The following FILIP1L variants were observed in gnomAD, a reference collection of about 807,000 sequenced individuals.
FILIP1L encodes filamin A interacting protein 1 like.
Under a neutral mutation model 96.6 loss-of-function variants are expected in FILIP1L, and 55 were observed. The ratio of observed to expected loss-of-function variants is 0.57; its 90% CI spans 0.46 to 0.71. The LOEUF is 0.71. Among genes scored for constraint, FILIP1L ranks in the 30% least tolerant of loss-of-function variants. The pLI is 0.00. For synonymous variants in FILIP1L, 467 were observed against 473.9 expected (o/e 0.99, Z 0.19); for missense variants, 1,304 against 1,321.2 (o/e 0.99, Z 0.20).
chr3:99,836,254 T>G (rs1432053314), intron 5 of FILIP1L, among the ~76,000 whole-genome samples: 2 of 152,000 alleles, frequency 1.3e-5, no homozygotes, highest in Middle Eastern at 3.4e-3. Context: ...GAGAAAGAAA[T>G]AATATGACAG....
At chr3:99,924,115 T>G in intron 4 of FILIP1L, 115 bp downstream of exon 4, 80 of 857,390 alleles carry the variant, frequency 9.3e-5, no homozygotes, top group Middle Eastern at 2.3e-4. Flanking sequence ...CCCTGGACTA[T>G]GAGATCTTTG....
At chr3:100,092,362 C>T (rs1440005038) in intron 1 of FILIP1L, among the ~76,000 whole-genome samples, 1 of 151,868 alleles carries the variant, frequency 6.6e-6, no homozygotes, top group Non-Finnish European at 1.5e-5. Flanking sequence ...TCTGTTTACC[C>T]CAAAGACAAT....
intron 1 of FILIP1L, among the ~76,000 whole-genome samples, chr3:100,109,686 T>C (rs2066455574): frequency 6.6e-6 from 1 of 152,194 alleles, no homozygotes; most frequent in Admixed American, 6.5e-5. Flanking sequence ...TTCATAGTAT[T>C]GATATACTAT....
chr3:99,951,598 G>T (rs1012622577), intron 1 of FILIP1L, among the ~76,000 whole-genome samples: 3 of 152,084 alleles, frequency 2.0e-5, no homozygotes, highest in African/African-American at 7.2e-5. Context: ...GATGAAGCAA[G>T]TGTTTTTGTA....
intron 1 of FILIP1L, among the ~76,000 whole-genome samples, chr3:99,980,628 A>C (rs1709093662): frequency 6.6e-6 from 1 of 152,220 alleles, no homozygotes; most frequent in Admixed American, 6.5e-5. Flanking sequence ...CAGAATTGTG[A>C]ATAAGGAATT....
At chr3:100,012,191 T>C (rs1417568558) in intron 1 of FILIP1L, among the ~76,000 whole-genome samples, 5 of 152,182 alleles carry the variant, frequency 3.3e-5, no homozygotes. Context: ...CTGTCTTTTA[T>C]ATTCCAAAAG....
At chr3:100,019,230 C>T (rs1055538694) in intron 1 of FILIP1L, among the ~76,000 whole-genome samples, 2 of 152,086 alleles carry the variant, frequency 1.3e-5, no homozygotes, top group Non-Finnish European at 1.5e-5. Flanking sequence ...GGTATGGTGG[C>T]ACATGTCTAG....
chr3:99,886,266 G>A (rs1354232716), intron 4 of FILIP1L, among the ~76,000 whole-genome samples: 1 of 146,992 alleles, frequency 6.8e-6, no homozygotes, highest in Non-Finnish European at 1.5e-5. Context: ...GTAAAGCAGG[G>A]ATGTTATCAC....
chr3:99,981,076 A>C (rs1709107943), intron 1 of FILIP1L, among the ~76,000 whole-genome samples: 2 of 152,162 alleles, frequency 1.3e-5, no homozygotes, highest in African/African-American at 4.8e-5. Context: ...TTTAGAAACA[A>C]AGGACCTCTC....
chr3:100,079,701 A>G (rs2065902200), intron 1 of FILIP1L, among the ~76,000 whole-genome samples: 1 of 152,142 alleles, frequency 6.6e-6, no homozygotes, highest in Non-Finnish European at 1.5e-5. Context: ...AATGCCCCAA[A>G]CATTAGGTAC....
chr3:100,090,773 A>G (rs2066090084), intron 1 of FILIP1L, among the ~76,000 whole-genome samples: 1 of 152,212 alleles, frequency 6.6e-6, no homozygotes, highest in African/African-American at 2.4e-5. Flanking sequence ...CCACTGTCCT[A>G]GGAGCTCTCT....
At chr3:100,037,740 C>T (rs1048153644) in intron 1 of FILIP1L, among the ~76,000 whole-genome samples, 6 of 152,122 alleles carry the variant, frequency 3.9e-5, no homozygotes, top group African/African-American at 1.4e-4. Flanking sequence ...TTGGGAAGCT[C>T]ATTGCATAAA....
In FILIP1L at chr3:99,850,919, G is replaced by C. The variant is rs774074786; in HGVS notation, c.757C>G (p.Leu253Val). Reference sequence around the variant, plus strand: ...TGGATTTTCTGTCTTTGAAGGGTGAGCTGTGCCGTCAGCCTTTGCTGTTCA... The same window carrying C: ...TGGATTTTCTGTCTTTGAAGGGTGACCTGTGCCGTCAGCCTTTGCTGTTCA... ...VDEQQRLTAQLTLQRQKIQEL... is the reference protein window; with the variant it reads ...VDEQQRLTAQVTLQRQKIQEL... The change falls in exon 5 of 6, where the codon CTC (leucine) becomes GTC (valine). Residue 253 changes from leucine to valine, a missense_variant. By Grantham distance (32) the Leu-to-Val change is conservative (BLOSUM62 1). Transcript: ENST00000477258. 6.2e-7 allele frequency: 1 copy of C among 1,614,140 alleles called. No individual in the cohort carries two copies. Among genetic ancestry groups the C allele is most frequent in the South Asian group, 1.1e-5 (1 of 91,086 alleles).
chr3:100,062,787 G>T (rs930456321), intron 1 of FILIP1L, among the ~76,000 whole-genome samples: 2 of 152,100 alleles, frequency 1.3e-5, no homozygotes, highest in African/African-American at 4.8e-5. Context: ...CTCAGCATTC[G>T]CCCTACACCT....
chr3:99,920,666 C>T (rs1056266518), intron 4 of FILIP1L, among the ~76,000 whole-genome samples: 1 of 152,200 alleles, frequency 6.6e-6, no homozygotes, highest in Non-Finnish European at 1.5e-5. Context: ...CCTGCCCCCA[C>T]CCACCCTCAG....
At chr3:99,931,120 G>T in intron 1 of FILIP1L, 90 bp from the exon 2 acceptor site, 2 of 1,092,904 alleles carry the variant, frequency 1.8e-6, no homozygotes, top group South Asian at 1.5e-5. Context: ...CTACATTCTT[G>T]TTATATTTAC....
At position 99,848,668 on chromosome 3, in the gene FILIP1L, T is replaced by G. The variant is rs1273054294; in HGVS notation, c.3008A>C (p.Gln1003Pro). Residue 1003 changes from glutamine to proline, a missense_variant, in exon 5 of 6, where the codon CAG becomes CCG. Physicochemically the swap from Gln to Pro is moderately conservative, Grantham distance 76. Transcript: ENST00000477258. ...AGCTGAACCAGTCACAGCCAAAACC[T>G]GAATAGGGGACATTGTCCTTTCTGG... ...LTPERTMSPI[Q>P]VLAVTGSASS... The G allele has an allele frequency of 6.2e-7, 1 of 1,614,178 alleles. No individual in the cohort carries two copies. Among genetic ancestry groups the G allele is most frequent in the East Asian group, 2.2e-5 (1 of 44,882 alleles).
At chr3:99,999,607 A>G (rs1374451506) in intron 1 of FILIP1L, among the ~76,000 whole-genome samples, 1 of 152,206 alleles carries the variant, frequency 6.6e-6, no homozygotes, top group African/African-American at 2.4e-5. Flanking sequence ...AATCTGTTAG[A>G]GAGGATCTCG....
chr3:99,931,514 C>A (rs990229636), intron 1 of FILIP1L, among the ~76,000 whole-genome samples: 16 of 152,046 alleles, frequency 1.1e-4, no homozygotes, highest in African/African-American at 3.9e-4. Flanking sequence ...AATTTGTTAG[C>A]CTTTAAAAGT....
Sources: gnomAD v4.1 joint callset for allele counts (sites outside exome capture counted in the v4.1 genomes callset) on GRCh38, gnomAD v4.1.1 for gene constraint, MANE v1.5 for transcripts, NCBI Gene and HGNC (gene_info 2026-07-23, HGNC 2026-07-21) for gene names.